Variants in CAMTA1 observed in about 807,000 individuals in gnomAD.
The protein encoded by CAMTA1 is calmodulin binding transcription activator 1, also known as calmodulin-binding transcription activator 1.
CAMTA1 carries 27 observed loss-of-function variants against 170.9 expected under a neutral mutation model. The ratio of observed to expected loss-of-function variants is 0.16; its 90% CI spans 0.12 to 0.22. The LOEUF is 0.22. CAMTA1 is among the 10% of genes least tolerant of loss of function. The pLI is 1.00. For missense variants in CAMTA1, 1,619 were observed against 2,217.2 expected, an observed-to-expected ratio of 0.73 and a Z score of 5.42; for synonymous variants, 833 against 891.5, an observed-to-expected ratio of 0.93 and a Z score of 1.17.
chr1:6,903,735 A>G (rs904303143), intron 3 of CAMTA1, among the ~76,000 whole-genome samples: 3 of 152,216 alleles, frequency 2.0e-5, no homozygotes, highest in Admixed American at 6.5e-5. Flanking sequence ...AAGACTTTCC[A>G]TATGCCTAAT....
intron 4 of CAMTA1, among the ~76,000 whole-genome samples, chr1:7,225,228 G>A (rs1661485013): frequency 6.6e-6 from 1 of 152,262 alleles, no homozygotes; most frequent in South Asian, 2.1e-4. Context: ...GGGACTACAG[G>A]CGCCCACCAC....
At chr1:7,321,699 A>T (rs907875477) in intron 5 of CAMTA1, among the ~76,000 whole-genome samples, 1 of 152,254 alleles carries the variant, frequency 6.6e-6, no homozygotes, top group Admixed American at 6.5e-5. Context: ...ATCCCCAGGG[A>T]TCCCTACCAT....
rs568293015 is a variant in CAMTA1, at chr1:7,438,789, C to A, written c.439-29041C>A. 2.6e-5 allele frequency among the ~76,000 whole-genome samples: 4 copies of A among 152,300 alleles called. No individual in the cohort carries two copies. The East Asian group carries it at 7.7e-4, about 29-fold the overall frequency. ...AGCAGAAAGAGCATGGCCTGTGGAG[C>A]CCGGAAGGCCTGACCTGCTGTTACT... On this transcript the variant is annotated intron_variant, in intron 5 of 22. Coordinates refer to ENST00000303635, the MANE Select transcript of CAMTA1 (RefSeq NM_015215.4).
At chr1:7,221,825 A>T (rs1248342174) in intron 4 of CAMTA1, among the ~76,000 whole-genome samples, 2 of 152,098 alleles carry the variant, frequency 1.3e-5, no homozygotes, top group Non-Finnish European at 2.9e-5. Context: ...GTTTTATCCC[A>T]TGGTCAGGGA....
chr1:7,062,581 C>T (rs2101771291), intron 3 of CAMTA1, among the ~76,000 whole-genome samples: 1 of 152,200 alleles, frequency 6.6e-6, no homozygotes, highest in Admixed American at 6.5e-5. Flanking sequence ...CGAGCAGCCG[C>T]GCTAAGGAGC....
At chr1:7,154,445 C>A (rs1292850211) in intron 4 of CAMTA1, among the ~76,000 whole-genome samples, 2 of 152,148 alleles carry the variant, frequency 1.3e-5, no homozygotes, top group African/African-American at 2.4e-5. Context: ...CTCCTCTGTC[C>A]CCTTTCCAAC....
chr1:7,729,085 G>T (rs1188806550), intron 11 of CAMTA1, among the ~76,000 whole-genome samples: 1 of 151,548 alleles, frequency 6.6e-6, no homozygotes, highest in Non-Finnish European at 1.5e-5. Flanking sequence ...GTTCCTGGAA[G>T]TAGTTTATTA....
intron 3 of CAMTA1, among the ~76,000 whole-genome samples, chr1:6,909,595 G>A (rs1355331003): frequency 1.3e-5 from 2 of 152,190 alleles, no homozygotes; most frequent in South Asian, 2.1e-4. Flanking sequence ...TGGGATTGGC[G>A]CAGCCCATGG....
intron 5 of CAMTA1, among the ~76,000 whole-genome samples, chr1:7,277,578 G>A (rs570958027): frequency 6.6e-6 from 1 of 151,386 alleles, no homozygotes; most frequent in East Asian, 1.9e-4. Flanking sequence ...GCCCTCCATG[G>A]CAGACTATAT....
chr1:7,600,604 G>C (rs1265681081), intron 6 of CAMTA1, among the ~76,000 whole-genome samples: 4 of 151,764 alleles, frequency 2.6e-5, no homozygotes, highest in African/African-American at 9.7e-5. Context: ...AAGGTCTCTG[G>C]TTTTCCTAGG....
chr1:7,034,022 AT>A (rs1354175558), intron 3 of CAMTA1, among the ~76,000 whole-genome samples: 1 of 151,918 alleles, frequency 6.6e-6, no homozygotes, highest in East Asian at 1.9e-4. Flanking sequence ...TTCAGGGCTG[AT>A]TTTTTTTACC....
At chr1:7,056,394 C>T (rs946831733) in intron 3 of CAMTA1, among the ~76,000 whole-genome samples, 3 of 152,314 alleles carry the variant, frequency 2.0e-5, no homozygotes, top group South Asian at 4.2e-4. Context: ...GAAGGGGGCT[C>T]ATGAGCTGAC....
chr1:7,529,912 C>A (rs1240401206), intron 6 of CAMTA1, among the ~76,000 whole-genome samples: 1 of 152,236 alleles, frequency 6.6e-6, no homozygotes, highest in Non-Finnish European at 1.5e-5. Context: ...GCAACATATC[C>A]AGAAAAGGCT....
At chr1:6,860,964 CT>C (rs1247559136) in intron 3 of CAMTA1, among the ~76,000 whole-genome samples, 204 of 127,856 alleles carry the variant, frequency 1.6e-3, no homozygotes, top group Non-Finnish European at 1.6e-3. Flanking sequence ...GTGTGACTTA[CT>C]TTTTTTTTTT....
chr1:6,997,128 G>A (rs969250039), intron 3 of CAMTA1, among the ~76,000 whole-genome samples: 3 of 152,124 alleles, frequency 2.0e-5, no homozygotes, highest in Admixed American at 1.3e-4. Flanking sequence ...CTTCCCTTGT[G>A]GCTCAGTGCA....
At position 7,010,355 on chromosome 1, in the gene CAMTA1, C is replaced by T. The variant is rs980632762; in HGVS notation, c.235-80949C>T. On this transcript the variant is annotated intron_variant, in intron 3 of 22. Coordinates refer to ENST00000303635, the MANE Select transcript of CAMTA1 (RefSeq NM_015215.4). The surrounding 1 kb of genome is among the most constrained non-coding windows in gnomAD (Gnocchi z 4.4). Reference sequence around the variant, plus strand: ...TCTCTGGCCCTTGCTTGGTTGAGCTCAGCTGTGCTCAGTGACTTTGGGCCA... The same window carrying T: ...TCTCTGGCCCTTGCTTGGTTGAGCTTAGCTGTGCTCAGTGACTTTGGGCCA... Among the ~76,000 whole-genome samples, 1 of 152,218 alleles carries T rather than the reference C, an allele frequency of 6.6e-6. No individual in the cohort carries two copies. Among genetic ancestry groups the T allele is most frequent in the Non-Finnish European group, 1.5e-5 (1 of 68,056 alleles).
intron 4 of CAMTA1, among the ~76,000 whole-genome samples, chr1:7,242,771 A>AAATAAATAAAT (rs1553285049): frequency 3.4e-5 from 5 of 145,468 alleles, no homozygotes; most frequent in African/African-American, 1.3e-4. Flanking sequence ...TACTGAAAAT[A>AAATAAATAAAT]AAATAAATAA....
At chr1:7,622,774 G>T (rs1158404906) in intron 6 of CAMTA1, among the ~76,000 whole-genome samples, 5 of 152,276 alleles carry the variant, frequency 3.3e-5, no homozygotes, top group Non-Finnish European at 7.3e-5. Flanking sequence ...TCCAAGCCCA[G>T]CTCTGGGCCA....
At position 7,637,834 on chromosome 1, in the gene CAMTA1, G is replaced by A. The variant is rs886889332; in HGVS notation, c.511-2566G>A. Among the ~76,000 whole-genome samples the A allele has an allele frequency of 3.9e-5, 6 of 152,222 alleles. No homozygotes were observed. The East Asian group carries it at 7.7e-4, about 20-fold the overall frequency. On this transcript the variant is annotated intron_variant, in intron 6 of 22. Coordinates refer to ENST00000303635, the MANE Select transcript of CAMTA1 (RefSeq NM_015215.4). ...CGCCTCCTTGGCTAGCAGGGGCACC[G>A]AATAAGATAATGGCTGGAAAGTGCT... is the stretch of plus-strand genomic sequence containing the variant.
Sources: gnomAD v4.1 joint callset for allele counts (sites outside exome capture counted in the v4.1 genomes callset) on GRCh38, gnomAD v4.1.1 for gene constraint, Gnocchi (gnomAD v3.1) non-coding constraint, MANE v1.5 for transcripts, NCBI Gene and HGNC (gene_info 2026-07-23, HGNC 2026-07-21) for gene names.